The following PCNX2 variants were observed in gnomAD, a reference collection of about 807,000 sequenced individuals.
PCNX2 encodes pecanex-like protein 2.
A neutral mutation model predicts 223.8 loss-of-function variants in PCNX2; 168 were observed. The observed-to-expected ratio is 0.75, with a 90% CI of 0.66 to 0.85. The LOEUF (loss-of-function observed/expected upper bound fraction) is 0.85, where lower values mean the gene tolerates loss of function less well. Among genes scored for constraint, PCNX2 ranks in the 40% least tolerant of loss-of-function variants. The pLI, the probability that PCNX2 is intolerant of heterozygous loss-of-function variation, is 0.00. For synonymous variants in PCNX2, 1,006 were observed against 1,052.6 expected, an observed-to-expected ratio of 0.96 and a Z score of 0.86; for missense variants, 2,507 against 2,675.5, an observed-to-expected ratio of 0.94 and a Z score of 1.39.
chr1:233,213,816 CTTTTTTT>C (rs71173256), intron 12 of PCNX2, among the ~76,000 whole-genome samples: 1 of 65,226 alleles, frequency 1.5e-5, no homozygotes, highest in African/African-American at 6.4e-5. Context: ...CCAGTGCACT[CTTTTTTT>C]TTTTTTTTTT....
chr1:233,041,297 C>T (rs1007552728), intron 25 of PCNX2, among the ~76,000 whole-genome samples: 1 of 152,206 alleles, frequency 6.6e-6, no homozygotes, highest in African/African-American at 2.4e-5. Flanking sequence ...AGCATTCATA[C>T]TACAGGTTGA....
At chr1:233,053,251 G>A (rs772942096) in intron 25 of PCNX2, among the ~76,000 whole-genome samples, 3 of 151,816 alleles carry the variant, frequency 2.0e-5, no homozygotes, top group Non-Finnish European at 2.9e-5. Context: ...CTAGTCACTT[G>A]AGTCCTCCCA....
the PCNX2 span, among the ~76,000 whole-genome samples, chr1:233,319,453 G>A: frequency 6.6e-6 from 1 of 152,222 alleles, no homozygotes; most frequent in Non-Finnish European, 1.5e-5. Context: ...GAGAGGAAAA[G>A]CATAATCACG....
chr1:233,165,833 TAGC>T (rs1678761593), intron 17 of PCNX2, among the ~76,000 whole-genome samples: 1 of 152,222 alleles, frequency 6.6e-6, no homozygotes, highest in Non-Finnish European at 1.5e-5. Flanking sequence ...ATGAAAATTC[TAGC>T]AGAATTTTTT....
At chr1:233,128,639 A>G (rs1479147686) in intron 21 of PCNX2, among the ~76,000 whole-genome samples, 2 of 152,256 alleles carry the variant, frequency 1.3e-5, no homozygotes, top group Middle Eastern at 3.4e-3. Context: ...CCGGCCAACT[A>G]TGGTTTTTAA....
chr1:233,084,607 T>A (rs573426083), intron 23 of PCNX2, among the ~76,000 whole-genome samples: 2 of 152,360 alleles, frequency 1.3e-5, no homozygotes, highest in East Asian at 3.9e-4. Flanking sequence ...GTTTTCATTA[T>A]TTTAGAAAGC....
In PCNX2 at chr1:233,094,097, T is replaced by C. The variant is rs148990481; in HGVS notation, c.3946+1658A>G. ...GAACTCCAAGGAATAATCAGTAATATTGAATTCACCTAACAAGGCATAAAC... is the reference window on the plus strand; with the variant it reads ...GAACTCCAAGGAATAATCAGTAATACTGAATTCACCTAACAAGGCATAAAC... On this transcript the variant is annotated intron_variant, in intron 22 of 33. Coordinates refer to ENST00000258229, the MANE Select transcript of PCNX2 (RefSeq NM_014801.4). Among the ~76,000 whole-genome samples, 609 of 152,276 alleles carry C rather than the reference T, an allele frequency of 4.0e-3. 4 individuals are homozygous for C. The highest frequency in any genetic ancestry group is 0.014 in the African/African-American group (587 of 41,556).
chr1:233,204,212 C>T (rs1048031735), intron 13 of PCNX2, among the ~76,000 whole-genome samples: 3 of 152,084 alleles, frequency 2.0e-5, no homozygotes, highest in African/African-American at 7.2e-5. Context: ...CACACATGCA[C>T]AGAGGGGACA....
At chr1:233,093,095 A>G (rs186304553) in intron 22 of PCNX2, among the ~76,000 whole-genome samples, 99 of 152,312 alleles carry the variant, frequency 6.5e-4, no homozygotes, top group Non-Finnish European at 1.1e-3. Flanking sequence ...CACTGTGCCC[A>G]GCCAGAAAAC....
chr1:233,315,401 T>G, the PCNX2 span, among the ~76,000 whole-genome samples: 26 of 152,368 alleles, frequency 1.7e-4, no homozygotes, highest in South Asian at 5.4e-3. Context: ...TCAAAAGAGC[T>G]GTTCAATTTT....
intron 15 of PCNX2, among the ~76,000 whole-genome samples, chr1:233,185,246 T>A (rs944915614): frequency 5.9e-5 from 9 of 152,100 alleles, no homozygotes; most frequent in African/African-American, 1.9e-4. Flanking sequence ...AAACCCACTA[T>A]CTTCAAGAAA....
chr1:232,999,360 CG>C lies in PCNX2; in HGVS notation c.5347del (p.Arg1783GlufsTer34). On this transcript the variant is annotated frameshift_variant, in exon 31 of 34. Transcript: ENST00000258229. LOFTEE classifies it high-confidence loss of function. Reference sequence around the variant, plus strand: ...CTGCTGCTGCCCGGCCCAAAGTCCTCGGACGCATTCTTTGTTAACCTGCAGG... The same window carrying C: ...CTGCTGCTGCCCGGCCCAAAGTCCTCGACGCATTCTTTGTTAACCTGCAGG... Reference protein sequence around the residue: ...KVIKVNKECVRGLWAGQQQEL... With the variant: ...KVIKVNKECVXGLWAGQQQEL... The C allele has an allele frequency of 6.3e-7, 1 of 1,595,726 alleles. No homozygotes were observed. The highest frequency in any genetic ancestry group is 8.5e-7 in the Non-Finnish European group (1 of 1,171,248).
intron 22 of PCNX2, among the ~76,000 whole-genome samples, chr1:233,094,552 T>G (rs943566012): frequency 6.6e-6 from 1 of 152,226 alleles, no homozygotes; most frequent in Admixed American, 6.5e-5. Context: ...ACTCTTCGTA[T>G]GCTTAACATT....
intron 26 of PCNX2, among the ~76,000 whole-genome samples, chr1:233,020,865 T>G (rs536224895): frequency 1.3e-5 from 2 of 152,176 alleles, no homozygotes; most frequent in Non-Finnish European, 1.5e-5. Flanking sequence ...TATTAGGAGA[T>G]TTCAAAAAAT....
intron 25 of PCNX2, among the ~76,000 whole-genome samples, chr1:233,042,119 G>C (rs140698590): frequency 6.6e-6 from 1 of 152,080 alleles, no homozygotes; most frequent in Non-Finnish European, 1.5e-5. Flanking sequence ...AACACTTCTG[G>C]TCCCAAGTAT....
intron 30 of PCNX2, among the ~76,000 whole-genome samples, chr1:232,999,990 T>C (rs192585290): frequency 1.2e-4 from 19 of 152,328 alleles, no homozygotes; most frequent in Admixed American, 2.0e-4. Context: ...TTCTAGAGAA[T>C]AAAAAGTCTT....
intron 9 of PCNX2, among the ~76,000 whole-genome samples, chr1:233,235,981 T>TATATAA (rs1658385030): frequency 6.9e-6 from 1 of 144,672 alleles, no homozygotes; most frequent in South Asian, 2.1e-4. Context: ...TATATATATA[T>TATATAA]ATATAATTAT....
intron 4 of PCNX2, 49 bp from the exon 5 acceptor site, chr1:233,259,393 T>C (rs1193549133): frequency 7.9e-6 from 12 of 1,523,402 alleles, no homozygotes; most frequent in Non-Finnish European, 1.1e-5. Flanking sequence ...GAATGAGTAA[T>C]GCCCAAGAGC....
chr1:233,018,348 C>G (rs146043842), intron 26 of PCNX2, among the ~76,000 whole-genome samples: 1,612 of 152,230 alleles, frequency 0.011, 25 homozygotes, highest in Admixed American at 0.045. Context: ...TTATGGAAAG[C>G]ATTGACAATG....
Sources: gnomAD v4.1 joint callset for allele counts (sites outside exome capture counted in the v4.1 genomes callset) on GRCh38, gnomAD v4.1.1 for gene constraint, MANE v1.5 for transcripts, NCBI Gene and HGNC (gene_info 2026-07-23, HGNC 2026-07-21) for gene names.